The following RYR2 variants were observed in gnomAD, a reference collection of about 807,000 sequenced individuals.
The protein encoded by RYR2 is cardiac muscle ryanodine receptor-calcium release channel.
Under a neutral mutation model 601.1 loss-of-function variants are expected in RYR2, and 227 were observed. The ratio of observed to expected loss-of-function variants is 0.38; its 90% CI spans 0.34 to 0.42. The LOEUF (loss-of-function observed/expected upper bound fraction) is 0.42, where lower values mean the gene tolerates loss of function less well. RYR2 is among the 10% of genes least tolerant of loss of function. The probability of loss-of-function intolerance (pLI) is 1.00; values close to 1 mark genes in which losing one functional copy is unlikely to be tolerated. For missense variants in RYR2, 4,646 were observed against 6,156.5 expected (o/e 0.75, Z 8.21); for synonymous variants, 2,223 against 2,175.1 (o/e 1.02, Z -0.61).
chr1:237,791,340 G>C (rs956248731), intron 92 of RYR2, 89 bp from the exon 93 acceptor site: 7 of 734,636 alleles, frequency 9.5e-6, no homozygotes, highest in Admixed American at 2.1e-5. Flanking sequence ...CAATTGTTTG[G>C]GGTAAATGAA....
intron 54 of RYR2, among the ~76,000 whole-genome samples, chr1:237,659,585 GA>G (rs904206854): frequency 1.9e-4 from 29 of 152,300 alleles, no homozygotes; most frequent in African/African-American, 6.7e-4. Flanking sequence ...GGGGTCCCAA[GA>G]TGGGTCAGAA....
intron 12 of RYR2, among the ~76,000 whole-genome samples, chr1:237,433,580 C>A (rs1380444349): frequency 6.6e-6 from 1 of 151,936 alleles, no homozygotes; most frequent in Non-Finnish European, 1.5e-5. Context: ...TCACTTAATC[C>A]CTTTGTTAGT....
chr1:237,082,959 C>A (rs1369024665), intron 1 of RYR2, among the ~76,000 whole-genome samples: 1 of 152,042 alleles, frequency 6.6e-6, no homozygotes, highest in Non-Finnish European at 1.5e-5. Context: ...TTAACAATTT[C>A]CCCGACGATT....
chr1:237,193,515 A>G (rs892070166), intron 1 of RYR2, among the ~76,000 whole-genome samples: 1 of 152,182 alleles, frequency 6.6e-6, no homozygotes, highest in Non-Finnish European at 1.5e-5. Context: ...AACTTGTCAC[A>G]ATGGTGATGT....
At chr1:237,066,981 A>G (rs770252538) in intron 1 of RYR2, among the ~76,000 whole-genome samples, 5 of 152,148 alleles carry the variant, frequency 3.3e-5, no homozygotes, top group African/African-American at 4.8e-5. Context: ...TCGTTTGCCT[A>G]TCTTCTAAAT....
At chr1:237,054,334 C>T (rs1355822262) in intron 1 of RYR2, among the ~76,000 whole-genome samples, 2 of 140,926 alleles carry the variant, frequency 1.4e-5, no homozygotes, top group Non-Finnish European at 3.2e-5. Context: ...CTCCCCCCTC[C>T]CCCCCTCCCT....
chr1:237,275,121 G>A (rs568867620), intron 2 of RYR2, among the ~76,000 whole-genome samples: 25 of 150,206 alleles, frequency 1.7e-4, no homozygotes, highest in Admixed American at 8.7e-4. Context: ...CATACACACC[G>A]CACACATAAA....
intron 58 of RYR2, among the ~76,000 whole-genome samples, chr1:237,669,846 G>A (rs906573670): frequency 6.6e-6 from 1 of 151,642 alleles, no homozygotes; most frequent in African/African-American, 2.4e-5. Context: ...CCCAGATGAT[G>A]GGCGGCCAGG....
chr1:237,529,757 T>TACACACA (rs1553486153), intron 24 of RYR2, among the ~76,000 whole-genome samples: 3 of 40,232 alleles, frequency 7.5e-5, no homozygotes, highest in African/African-American at 2.3e-4. Context: ...AACAATAATA[T>TACACACA]CATACACACA....
chr1:237,127,796 G>A (rs995450728), intron 1 of RYR2, among the ~76,000 whole-genome samples: 2 of 151,908 alleles, frequency 1.3e-5, no homozygotes, highest in Non-Finnish European at 2.9e-5. Context: ...GGGCGGCCGG[G>A]CAGAGACGCT....
chr1:237,420,792 A>G (rs1489825598), intron 11 of RYR2, among the ~76,000 whole-genome samples: 2 of 152,196 alleles, frequency 1.3e-5, no homozygotes, highest in Non-Finnish European at 2.9e-5. Flanking sequence ...CTGTTTTGAA[A>G]ATGAAGGTGT....
intron 3 of RYR2, among the ~76,000 whole-genome samples, chr1:237,346,097 G>A (rs561966446): frequency 9.9e-5 from 15 of 152,160 alleles, no homozygotes; most frequent in African/African-American, 3.6e-4. Context: ...TGGGTGCGGT[G>A]GCTCATACCT....
chr1:237,790,530 C>A (rs183024380), intron 92 of RYR2, among the ~76,000 whole-genome samples: 2 of 152,200 alleles, frequency 1.3e-5, no homozygotes, highest in Admixed American at 1.3e-4. Context: ...CTCCTGAAAT[C>A]CTCTAATAGC....
intron 25 of RYR2, among the ~76,000 whole-genome samples, chr1:237,531,862 C>G (rs889137765): frequency 2.6e-5 from 4 of 152,100 alleles, no homozygotes; most frequent in African/African-American, 7.2e-5. Flanking sequence ...CCACAGTGTT[C>G]AGATATCTGC....
chr1:237,795,513 G>A (rs902017694), intron 96 of RYR2, among the ~76,000 whole-genome samples, 182 bp downstream of exon 96: 5 of 151,368 alleles, frequency 3.3e-5, no homozygotes, highest in Non-Finnish European at 7.4e-5. Flanking sequence ...GTGCAGTAGC[G>A]CGATCTCAGC....
chr1:237,144,053 C>T (rs910850045), intron 1 of RYR2, among the ~76,000 whole-genome samples: 4 of 151,708 alleles, frequency 2.6e-5, no homozygotes, highest in East Asian at 3.9e-4. Context: ...TGCTTGAACC[C>T]GGGAAGTGGA....
intron 79 of RYR2, among the ~76,000 whole-genome samples, chr1:237,736,183 G>T (rs1357276501): frequency 6.6e-6 from 1 of 152,056 alleles, no homozygotes; most frequent in African/African-American, 2.4e-5. Flanking sequence ...GGATAGGGCT[G>T]GGCACGGTGG....
At chr1:237,325,213 C>G (rs756695533) in intron 2 of RYR2, among the ~76,000 whole-genome samples, 1 of 151,944 alleles carries the variant, frequency 6.6e-6, no homozygotes, top group Non-Finnish European at 1.5e-5. Context: ...GGCAGTCATG[C>G]CAATGAAGTA....
At chr1:237,142,159 T>G (rs1053954764) in intron 1 of RYR2, among the ~76,000 whole-genome samples, 1 of 152,158 alleles carries the variant, frequency 6.6e-6, no homozygotes, top group African/African-American at 2.4e-5. Context: ...TTCTTGGGCA[T>G]GTAGGGTGGC....
Sources: gnomAD v4.1 joint callset for allele counts (sites outside exome capture counted in the v4.1 genomes callset) on GRCh38, gnomAD v4.1.1 for gene constraint, MANE v1.5 for transcripts, NCBI Gene and HGNC (gene_info 2026-07-23, HGNC 2026-07-21) for gene names.